CXorf58: variants seen among roughly 807,000 people sequenced by gnomAD.
The protein encoded by CXorf58 is chromosome X open reading frame 58.
CXorf58 carries 24 observed loss-of-function variants against 26.0 expected under a neutral mutation model. The observed-to-expected ratio is 0.92, with a 90% CI of 0.67 to 1.30. The LOEUF (loss-of-function observed/expected upper bound fraction) is 1.30. Ranked by LOEUF, CXorf58 falls within the 50% of genes most tolerant of loss-of-function variation. The pLI, the probability that CXorf58 is intolerant of heterozygous loss-of-function variation, is 0.00. For missense variants in CXorf58, 236 were observed against 263.9 expected (o/e 0.89, Z 0.73); for synonymous variants, 87 against 86.1 (o/e 1.01, Z -0.06).
At position 23,910,286 on chromosome X, in the gene CXorf58, A is replaced by C. The variant is rs763187649; in HGVS notation, c.-17A>C. 1.0e-6 allele frequency: 1 copy of C among 1,002,275 alleles called. No homozygotes were observed. Among genetic ancestry groups the C allele is most frequent in the Non-Finnish European group, 1.4e-6 (1 of 710,562 alleles). The allele number at this position is 1,002,275 out of a possible 1,213,427, so 82.6% of individuals were successfully genotyped here. ...GGGTTAATTTATGTACTTTCAGATTACTTCATTGGAGGGAAAATGAATCGT... is the reference window on the plus strand; with the variant it reads ...GGGTTAATTTATGTACTTTCAGATTCCTTCATTGGAGGGAAAATGAATCGT... On this transcript the variant is annotated 5_prime_UTR_variant, in exon 2 of 9. Coordinates refer to ENST00000379211, the MANE Select transcript of CXorf58 (RefSeq NM_152761.3).
Position 23,920,991 on chromosome X carries a change from G to A in CXorf58, c.423+4663G>A, listed in dbSNP as rs890154091. ...ATTTATATAGATCAACTTCAAATGT[G>A]GAAGTATATGTTTATCCTACTTGAA... On this transcript the variant is annotated intron_variant, in intron 5 of 8. Transcript: ENST00000379211. Among the ~76,000 whole-genome samples the A allele has an allele frequency of 3.2e-4, 35 of 110,930 alleles. No individual in the cohort carries two copies. The Admixed American group carries it at 3.4e-3, about 11-fold the overall frequency.
At chrX:23,925,281 G>A (rs985985411) in intron 5 of CXorf58, among the ~76,000 whole-genome samples, 17 of 110,066 alleles carry the variant, frequency 1.5e-4, no homozygotes, top group African/African-American at 5.3e-4. Flanking sequence ...GCTTGCTGTT[G>A]TGTGTTAAGA....
chrX:23,917,664 C>T (rs1212786120), intron 5 of CXorf58, among the ~76,000 whole-genome samples: 1 of 110,311 alleles, frequency 9.1e-6, no homozygotes, highest in East Asian at 2.9e-4. Context: ...GTGATTCGCC[C>T]GCCTCGGCAT....
chrX:23,916,132 A>G, intron 4 of CXorf58, 85 bp from the exon 5 acceptor site: 3 of 526,666 alleles, frequency 5.7e-6, no homozygotes, highest in Non-Finnish European at 6.3e-6. Context: ...GCAAGAAACT[A>G]TATGAACTAT....
At chrX:23,933,064 G>A (rs1928203272) in intron 6 of CXorf58, among the ~76,000 whole-genome samples, 2 of 111,157 alleles carry the variant, frequency 1.8e-5, no homozygotes, top group South Asian at 7.5e-4. Context: ...GTGAGGCAGA[G>A]GCCGGAGGAT....
chrX:23,924,015 G>A (rs1292174991), intron 5 of CXorf58, among the ~76,000 whole-genome samples: 1 of 109,345 alleles, frequency 9.1e-6, no homozygotes, highest in Non-Finnish European at 1.9e-5. Context: ...GCCGTCTGCC[G>A]AAATGGCACC....
At chrX:23,914,149 G>C (rs1251136103) in intron 3 of CXorf58, among the ~76,000 whole-genome samples, 1 of 110,380 alleles carries the variant, frequency 9.1e-6, no homozygotes, top group Admixed American at 9.6e-5. Flanking sequence ...GCAGTGGCAC[G>C]ATCTCGGCTC....
intron 2 of CXorf58, among the ~76,000 whole-genome samples, chrX:23,911,245 C>T (rs917079798): frequency 9.0e-6 from 1 of 110,839 alleles, no homozygotes; most frequent in African/African-American, 3.3e-5. Context: ...AGAATAATTC[C>T]GACTTGACCT....
rs140614869 is a variant in CXorf58 at position 23,935,337 on chromosome X, C to T, written c.697C>T (p.Arg233Cys). 5.5e-5 allele frequency: 66 copies of T among 1,207,722 alleles called. No individual in the cohort carries two copies. The African/African-American group carries it at 9.1e-4, about 17-fold the overall frequency. ...TTCAGAGTCTGGAGTGATCTCAAAC[C>T]GTCTACGAAATGAAATGAAGTTTCT... ...HYSESGVISNRLRNEMKFLLQ... is the reference protein window; with the variant it reads ...HYSESGVISNCLRNEMKFLLQ... The change falls in exon 7 of 9, where the codon CGT (arginine) becomes TGT (cysteine). Residue 233 changes from arginine (R) to cysteine (C), a missense_variant. Coordinates refer to ENST00000379211, the MANE Select transcript of CXorf58 (RefSeq NM_152761.3).
At position 23,927,380 on chromosome X, in the gene CXorf58, T is replaced by C; in HGVS notation, c.555+10T>C. 1 of 1,106,707 alleles carries C rather than the reference T, an allele frequency of 9.0e-7. No individual in the cohort carries two copies. The highest frequency in any genetic ancestry group is 2.5e-4 in the Middle Eastern group (1 of 4,007). The allele number at this position is 1,106,707 out of a possible 1,213,427, so 91.2% of individuals were successfully genotyped here. ...GCAAGATTATGTACAAGTAAGGAAT[T>C]TAGATTTAGAAAAACAAACAAACCC... On this transcript the variant is annotated intron_variant, in intron 6 of 8. Coordinates refer to ENST00000379211, the MANE Select transcript of CXorf58 (RefSeq NM_152761.3).
At chrX:23,910,802 G>C (rs1276930156) in intron 2 of CXorf58, among the ~76,000 whole-genome samples, 3 of 77,728 alleles carry the variant, frequency 3.9e-5, no homozygotes, top group Admixed American at 2.0e-4. Context: ...GTCTCACTCT[G>C]CCACCCAGGC....
At chrX:23,918,850 G>A (rs1203662616) in intron 5 of CXorf58, among the ~76,000 whole-genome samples, 6 of 112,040 alleles carry the variant, frequency 5.4e-5, no homozygotes, top group Admixed American at 9.5e-5. Context: ...TACTATTCTA[G>A]GATAAAAGTT....
At position 23,915,804 on chromosome X, in the gene CXorf58, C is replaced by G; in HGVS notation, c.311+10C>G. ...GTAAAATTAGATTCAGGTAATGTAT[C>G]TATGCTGATTTATTTCAAGAAGTAC... On this transcript the variant is annotated intron_variant, in intron 4 of 8. Coordinates refer to ENST00000379211, the MANE Select transcript of CXorf58 (RefSeq NM_152761.3). 1.0e-6 allele frequency: 1 copy of G among 1,001,428 alleles called. No homozygotes were observed. The highest frequency in any genetic ancestry group is 1.4e-6 in the Non-Finnish European group (1 of 715,412). 82.5% of individuals were successfully genotyped at this position (1,001,428 alleles called of 1,213,427 possible).
intron 6 of CXorf58, among the ~76,000 whole-genome samples, chrX:23,928,891 C>T (rs1394901149): frequency 9.0e-6 from 1 of 111,296 alleles, no homozygotes; most frequent in Non-Finnish European, 1.9e-5. Context: ...AAGAGTCATG[C>T]GCCTCTCACT....
chrX:23,929,177 T>A (rs942560816), intron 6 of CXorf58, among the ~76,000 whole-genome samples: 1 of 109,581 alleles, frequency 9.1e-6, no homozygotes, highest in Non-Finnish European at 1.9e-5. Context: ...GAGGCCGAGG[T>A]GGGCGGATCA....
chrX:23,934,670 C>T (rs1338921336), intron 6 of CXorf58, among the ~76,000 whole-genome samples: 2 of 110,747 alleles, frequency 1.8e-5, no homozygotes. Flanking sequence ...TGTGCTGCAC[C>T]CATTAACTCG....
intron 3 of CXorf58, 112 bp from the exon 4 acceptor site, chrX:23,915,588 G>T: frequency 2.3e-6 from 1 of 442,349 alleles, no homozygotes; most frequent in East Asian, 3.9e-5. Context: ...CACCCCTTCA[G>T]AACTCCAAGT....
intron 4 of CXorf58, 76 bp downstream of exon 4, chrX:23,915,870 T>C: frequency 1.8e-6 from 1 of 550,939 alleles, no homozygotes; most frequent in Non-Finnish European, 3.0e-6. Flanking sequence ...ATTTTTTAAA[T>C]TCTTGTAACT....
chrX:23,923,830 G>A (rs945966459), intron 5 of CXorf58, among the ~76,000 whole-genome samples: 4 of 110,126 alleles, frequency 3.6e-5, no homozygotes, highest in Non-Finnish European at 5.7e-5. Flanking sequence ...AACACTTTGG[G>A]AGGCCGAGGC....
Sources: gnomAD v4.1 joint callset for allele counts (sites outside exome capture counted in the v4.1 genomes callset) on GRCh38, gnomAD v4.1.1 for gene constraint, MANE v1.5 for transcripts, NCBI Gene and HGNC (gene_info 2026-07-23, HGNC 2026-07-21) for gene names.